MCCC1: variants seen among roughly 807,000 people sequenced by gnomAD.
MCCC1 encodes methylcrotonyl-CoA carboxylase subunit 1.
Under a neutral mutation model 83.8 loss-of-function variants are expected in MCCC1, and 64 were observed. That is an observed-to-expected ratio of 0.76 (90% CI 0.62 to 0.94). The LOEUF (loss-of-function observed/expected upper bound fraction) is 0.94. MCCC1 is among the 40% of genes least tolerant of loss of function. MCCC1 has a pLI of 0.00. For missense variants in MCCC1, 807 were observed against 904.7 expected, an observed-to-expected ratio of 0.89 and a Z score of 1.39; for synonymous variants, 322 against 315.4, an observed-to-expected ratio of 1.02 and a Z score of -0.22.
At chr3:183,058,547 A>G (rs966953364) in intron 7 of MCCC1, among the ~76,000 whole-genome samples, 4 of 152,190 alleles carry the variant, frequency 2.6e-5, no homozygotes, top group Non-Finnish European at 5.9e-5. Context: ...CCTCAAGCCC[A>G]GGAATTCAAG....
At chr3:183,015,660 T>C in intron 18 of MCCC1, 94 bp from the exon 19 acceptor site, 7 of 1,470,596 alleles carry the variant, frequency 4.8e-6, no homozygotes, top group Non-Finnish European at 6.6e-6. Context: ...AAATGAAAAC[T>C]GTAGCCAACT....
At chr3:183,041,859 C>T (rs1462977235) in intron 10 of MCCC1, 109 bp from the exon 11 acceptor site, 21 of 1,218,646 alleles carry the variant, frequency 1.7e-5, no homozygotes, top group Admixed American at 1.1e-4. Flanking sequence ...TTAGGTTTTG[C>T]AATGCAGCCA....
chr3:183,026,922 T>C (rs187864825), intron 14 of MCCC1, among the ~76,000 whole-genome samples: 15 of 152,362 alleles, frequency 9.8e-5, no homozygotes, highest in Admixed American at 8.5e-4. Flanking sequence ...TGATTCATGT[T>C]ACAGGCACAT....
chr3:183,092,194 C>T (rs948207503), intron 3 of MCCC1, among the ~76,000 whole-genome samples: 3 of 152,196 alleles, frequency 2.0e-5, no homozygotes, highest in African/African-American at 7.2e-5. Flanking sequence ...AGATAAAGAC[C>T]TTGCCTGTAA....
intron 1 of MCCC1, among the ~76,000 whole-genome samples, chr3:183,109,794 T>C (rs1195142016): frequency 2.0e-5 from 3 of 152,252 alleles, no homozygotes; most frequent in Non-Finnish European, 2.9e-5. Flanking sequence ...CTGGGTCATA[T>C]GGTAGTTCTG....
intron 12 of MCCC1, among the ~76,000 whole-genome samples, chr3:183,038,502 T>G (rs1713808418): frequency 6.6e-6 from 1 of 152,124 alleles, no homozygotes; most frequent in Admixed American, 6.6e-5. Context: ...AATCCTTCTA[T>G]GAGCCAAATC....
intron 3 of MCCC1, among the ~76,000 whole-genome samples, chr3:183,091,962 G>A (rs1718384921): frequency 6.6e-6 from 1 of 151,798 alleles, no homozygotes; most frequent in Non-Finnish European, 1.5e-5. Context: ...CGAGGCAGGA[G>A]AATCGCTTGA....
At chr3:183,086,588 A>C in intron 4 of MCCC1, 105 bp downstream of exon 4, 9 of 950,938 alleles carry the variant, frequency 9.5e-6, no homozygotes, top group Non-Finnish European at 1.5e-5. Flanking sequence ...AATCAAATGT[A>C]AAGATCTTGG....
chr3:183,087,827 G>A (rs1013207250), intron 3 of MCCC1, among the ~76,000 whole-genome samples: 3 of 143,800 alleles, frequency 2.1e-5, no homozygotes, highest in Non-Finnish European at 4.5e-5. Context: ...CCGAGATTGC[G>A]CCACTGAACT....
intron 17 of MCCC1, among the ~76,000 whole-genome samples, chr3:183,018,822 C>T (rs894497794): frequency 5.3e-5 from 8 of 152,166 alleles, no homozygotes; most frequent in Admixed American, 2.0e-4. Context: ...TTGAAGTCTT[C>T]AGAGCCCTGT....
intron 1 of MCCC1, among the ~76,000 whole-genome samples, 198 bp from the exon 2 acceptor site, chr3:183,094,803 C>G (rs1292739995): frequency 1.3e-5 from 2 of 152,144 alleles, no homozygotes; most frequent in African/African-American, 4.8e-5. Context: ...ACTACCTGTC[C>G]TTGAATGAGT....
intron 3 of MCCC1, among the ~76,000 whole-genome samples, chr3:183,089,320 G>T (rs1718142900): frequency 6.6e-6 from 1 of 152,186 alleles, no homozygotes; most frequent in Non-Finnish European, 1.5e-5. Flanking sequence ...AGTGGAGGTG[G>T]AGAGGCTACT....
upstream of MCCC1, among the ~76,000 whole-genome samples, chr3:183,103,285 C>T (rs564452469): frequency 6.6e-6 from 1 of 151,980 alleles, no homozygotes; most frequent in Non-Finnish European, 1.5e-5. Context: ...GAAGCAGACC[C>T]GAGCGGGTTG....
chr3:183,057,541 A>T, intron 7 of MCCC1, 119 bp from the exon 8 acceptor site: 1 of 836,168 alleles, frequency 1.2e-6, no homozygotes, highest in South Asian at 1.5e-5. Context: ...TCCTTTAAGT[A>T]AGATCTGATA....
At chr3:183,044,693 A>G (rs1714393204) in intron 10 of MCCC1, among the ~76,000 whole-genome samples, 1 of 152,140 alleles carries the variant, frequency 6.6e-6, no homozygotes, top group Non-Finnish European at 1.5e-5. Context: ...GGTTGTGAGC[A>G]AGCCCCTGTG....
At chr3:183,110,960 T>C (rs77600621) in intron 1 of MCCC1, among the ~76,000 whole-genome samples, 2,594 of 152,306 alleles carry the variant, frequency 0.017, 81 homozygotes, top group African/African-American at 0.059. Context: ...GGTATGCAGC[T>C]TTATTTCTGG....
intron 4 of MCCC1, among the ~76,000 whole-genome samples, chr3:183,084,906 A>G (rs1717778595): frequency 6.6e-6 from 1 of 152,122 alleles, no homozygotes; most frequent in South Asian, 2.1e-4. Context: ...ACAAAAATAA[A>G]AACAAATTGA....
chr3:183,098,942 C>T, intron 1 of MCCC1: 1 of 286,624 alleles, frequency 3.5e-6, no homozygotes, highest in South Asian at 4.2e-5. Flanking sequence ...TTCTTACTAG[C>T]TGTGTTTCGT....
intron 3 of MCCC1, among the ~76,000 whole-genome samples, chr3:183,088,384 T>G (rs954647707): frequency 5.3e-5 from 8 of 152,068 alleles, no homozygotes; most frequent in Non-Finnish European, 7.4e-5. Flanking sequence ...TTTTTGTATT[T>G]GTAGTAGAGA....
Sources: allele counts gnomAD v4.1 joint callset (sites outside exome capture counted in the v4.1 genomes callset), GRCh38; gene constraint gnomAD v4.1.1; transcripts MANE v1.5; gene names NCBI Gene and HGNC (gene_info 2026-07-23, HGNC 2026-07-21).